Variants in MCPH1 observed in about 807,000 individuals in gnomAD.
MCPH1 encodes the protein microcephalin 1.
A neutral mutation model predicts 84.5 loss-of-function variants in MCPH1; 104 were observed. That is an observed-to-expected ratio of 1.23 (90% confidence interval 1.05 to 1.45). The LOEUF (loss-of-function observed/expected upper bound fraction) is 1.45. Ranked by LOEUF, MCPH1 falls within the 40% of genes most tolerant of loss-of-function variation. MCPH1 has a pLI of 0.00. For missense variants in MCPH1, 1,498 were observed against 1,005.7 expected, an observed-to-expected ratio of 1.49 and a Z score of -6.62; for synonymous variants, 514 against 366.8, an observed-to-expected ratio of 1.40 and a Z score of -4.58.
intron 3 of MCPH1, among the ~76,000 whole-genome samples, chr8:6,426,468 A>G (rs1270493131): frequency 1.3e-5 from 2 of 152,228 alleles, no homozygotes; most frequent in African/African-American, 2.4e-5. Flanking sequence ...TGTGCCTGAC[A>G]TCACTGAAGG....
intron 9 of MCPH1, among the ~76,000 whole-genome samples, chr8:6,473,219 A>G (rs1256973927): frequency 6.7e-6 from 1 of 148,574 alleles, no homozygotes; most frequent in African/African-American, 2.5e-5. Context: ...GATCATCTGC[A>G]TTTTTTCTGT....
rs576679731 is a variant in MCPH1, at chr8:6,426,523, A to C, written c.234-4976A>C. On this transcript the variant is annotated intron_variant, in intron 3 of 13. Coordinates refer to ENST00000344683, the MANE Select transcript of MCPH1 (RefSeq NM_024596.5). ...CCGTGTTGTTTGTAGCAGTGGTTTC[A>C]CTTCCTTTTATAGCTGAGTAGTATT... is the stretch of plus-strand genomic sequence containing the variant. Among the ~76,000 whole-genome samples, 27 of 152,334 alleles carry C rather than the reference A, an allele frequency of 1.8e-4. 1 individual carries two copies. Among genetic ancestry groups the C allele is most frequent in the African/African-American group, 6.5e-4 (27 of 41,582 alleles).
chr8:6,443,249 A>G lies in MCPH1; in HGVS notation c.670+1093A>G, dbSNP rs149286001. On this transcript the variant is annotated intron_variant, in intron 7 of 13. Coordinates refer to ENST00000344683, the MANE Select transcript of MCPH1 (RefSeq NM_024596.5). ...TCTAACTTAGGCAGTCTGACATCAC[A>G]GATTACACTCTTAGTGACATGTCAC... is the stretch of plus-strand genomic sequence containing the variant. Among the ~76,000 whole-genome samples the G allele has an allele frequency of 5.2e-3, 789 of 152,362 alleles. 4 individuals are homozygous for G. Among genetic ancestry groups the G allele is most frequent in the Non-Finnish European group, 8.0e-3 (545 of 68,032 alleles).
chr8:6,448,716 T>C (rs571085916), intron 8 of MCPH1, among the ~76,000 whole-genome samples: 2 of 152,358 alleles, frequency 1.3e-5, no homozygotes, highest in East Asian at 3.9e-4. Context: ...TAAAAATTGC[T>C]TTTTACAAAA....
intron 10 of MCPH1, among the ~76,000 whole-genome samples, chr8:6,479,385 G>T: frequency 6.6e-6 from 1 of 151,586 alleles, no homozygotes; most frequent in Non-Finnish European, 1.5e-5. Context: ...GGAGAGGAGA[G>T]ATGTTTATTT....
intron 12 of MCPH1, among the ~76,000 whole-genome samples, chr8:6,504,030 A>G (rs889244160): frequency 2.0e-5 from 3 of 152,194 alleles, no homozygotes; most frequent in African/African-American, 4.8e-5. Context: ...AATATTCTAT[A>G]AGCAGGGGCC....
intron 12 of MCPH1, among the ~76,000 whole-genome samples, chr8:6,517,123 G>A (rs943383819): frequency 6.6e-6 from 1 of 152,214 alleles, no homozygotes; most frequent in Non-Finnish European, 1.5e-5. Context: ...AAGATACTGA[G>A]TAAAAGTGCT....
chr8:6,638,718 G>A (rs574440393), intron 13 of MCPH1, among the ~76,000 whole-genome samples: 96 of 152,258 alleles, frequency 6.3e-4, no homozygotes, highest in African/African-American at 2.3e-3. Context: ...CATTTTATGG[G>A]ATGTTTGAGG....
chr8:6,573,270 G>A (rs1826812991), intron 12 of MCPH1, among the ~76,000 whole-genome samples: 1 of 152,116 alleles, frequency 6.6e-6, no homozygotes, highest in African/African-American at 2.4e-5. Flanking sequence ...GGAGGTGTGA[G>A]TAGAGGCAGA....
rs1009965463 is a variant in MCPH1 at position 6,643,441 on chromosome 8, T to G, written c.*392T>G. Reference sequence around the variant, plus strand: ...CACCATGCCTGGCTAATTTTTGTAGTTTTAGTAGAGACAGGGTTTCGCCAT... The same window carrying G: ...CACCATGCCTGGCTAATTTTTGTAGGTTTAGTAGAGACAGGGTTTCGCCAT... On this transcript the variant is annotated 3_prime_UTR_variant, in exon 14 of 14. Coordinates refer to ENST00000344683, the MANE Select transcript of MCPH1 (RefSeq NM_024596.5). 7.7e-6 allele frequency: 2 copies of G among 260,856 alleles called. No homozygotes were observed. Among genetic ancestry groups the G allele is most frequent in the Non-Finnish European group, 1.5e-5 (2 of 133,620 alleles). 16.2% of individuals were successfully genotyped at this position (260,856 alleles called of 1,614,324 possible).
At chr8:6,626,769 T>C in intron 13 of MCPH1, 1 of 985,358 alleles carries the variant, frequency 1.0e-6, no homozygotes, top group Non-Finnish European at 1.2e-6. Flanking sequence ...CTCTGAGCCC[T>C]GGCGCGGTCC....
intron 13 of MCPH1, among the ~76,000 whole-genome samples, chr8:6,630,076 C>G (rs955689049): frequency 6.6e-6 from 1 of 152,086 alleles, no homozygotes; most frequent in Non-Finnish European, 1.5e-5. Context: ...AATGTTGGTG[C>G]TTGAAAACAA....
chr8:6,592,641 T>TTTTTTTTTTTTTTTTTTTTTTTTG (rs1238168977), intron 12 of MCPH1, among the ~76,000 whole-genome samples: 2 of 107,428 alleles, frequency 1.9e-5, no homozygotes, highest in African/African-American at 3.4e-5. Flanking sequence ...TTTTTTTTTT[T>TTTTTTTTTTTTTTTTTTTTTTTTG]TTGTTGCTGT....
intron 3 of MCPH1, among the ~76,000 whole-genome samples, chr8:6,428,518 C>T (rs1801384384): frequency 6.6e-6 from 1 of 152,208 alleles, no homozygotes; most frequent in African/African-American, 2.4e-5. Context: ...AGCCCTATCC[C>T]CTATTCTCCC....
At chr8:6,424,747 C>T (rs1800806163) in intron 3 of MCPH1, among the ~76,000 whole-genome samples, 3 of 152,232 alleles carry the variant, frequency 2.0e-5, no homozygotes. Flanking sequence ...CCTGAGTTAA[C>T]TTCCTACGGT....
chr8:6,482,011 G>A (rs1323558396), intron 11 of MCPH1, among the ~76,000 whole-genome samples: 1 of 152,224 alleles, frequency 6.6e-6, no homozygotes, highest in Non-Finnish European at 1.5e-5. Flanking sequence ...TCCCTGGGAT[G>A]TGAATCGTCC....
At chr8:6,603,048 G>T (rs1226884281) in intron 12 of MCPH1, among the ~76,000 whole-genome samples, 2 of 151,840 alleles carry the variant, frequency 1.3e-5, no homozygotes. Flanking sequence ...GTCATTGCTT[G>T]CACTTTTTGC....
intron 12 of MCPH1, among the ~76,000 whole-genome samples, chr8:6,536,947 T>A (rs1463044795): frequency 1.4e-5 from 2 of 144,416 alleles, no homozygotes; most frequent in Non-Finnish European, 3.0e-5. Flanking sequence ...AATTCCATTC[T>A]AAGTATAAGG....
chr8:6,461,446 C>T (rs1460147599), intron 9 of MCPH1, among the ~76,000 whole-genome samples: 1 of 149,810 alleles, frequency 6.7e-6, no homozygotes, highest in Non-Finnish European at 1.5e-5. Context: ...TGTGTCTCAA[C>T]CTCCTGAGTA....
Sources: allele counts gnomAD v4.1 joint callset (sites outside exome capture counted in the v4.1 genomes callset), GRCh38; gene constraint gnomAD v4.1.1; transcripts MANE v1.5; gene names NCBI Gene and HGNC (gene_info 2026-07-23, HGNC 2026-07-21).